The following TEX15 variants were observed in gnomAD, a reference collection of about 807,000 sequenced individuals.
The protein encoded by TEX15 is testis expressed 15, meiosis and synapsis associated.
TEX15 carries 171 observed loss-of-function variants against 237.3 expected under a neutral mutation model. The observed-to-expected ratio is 0.72, with a 90% CI of 0.64 to 0.82. TEX15 has a LOEUF of 0.82. Among genes scored for constraint, TEX15 ranks in the 40% least tolerant of loss-of-function variants. The pLI is 0.00. For synonymous variants in TEX15, 1,338 were observed against 1,269.8 expected, an observed-to-expected ratio of 1.05 and a Z score of -1.14; for missense variants, 3,750 against 3,646.5, an observed-to-expected ratio of 1.03 and a Z score of -0.73.
chr8:30,893,210 G>A (rs992349296), intron 2 of TEX15, among the ~76,000 whole-genome samples: 15 of 152,174 alleles, frequency 9.9e-5, no homozygotes, highest in Admixed American at 2.6e-4. Context: ...GTGCAGGGAA[G>A]TTAAATAATA....
At chr8:30,887,974 T>G (rs1172671671) in intron 2 of TEX15, among the ~76,000 whole-genome samples, 1 of 147,960 alleles carries the variant, frequency 6.8e-6, no homozygotes, top group East Asian at 2.0e-4. Flanking sequence ...TTCATGTAAC[T>G]GCTATTAGGT....
In TEX15 at chr8:30,868,770, C is replaced by A. The variant is rs529450193; in HGVS notation, c.303-1268G>T. Among the ~76,000 whole-genome samples, 3 of 151,822 alleles carry A rather than the reference C, an allele frequency of 2.0e-5. No homozygotes were observed. In the East Asian group the frequency reaches 5.8e-4, roughly 29 times the overall value. On this transcript the variant is annotated intron_variant, in intron 4 of 10. Transcript: ENST00000643185. ...ATTCTTACACTATACATAAAAGTAA[C>A]ATTTGAAGGTACACAGAATAAATTA...
chr8:30,892,116 A>G (rs1808806261), intron 2 of TEX15, among the ~76,000 whole-genome samples: 1 of 152,206 alleles, frequency 6.6e-6, no homozygotes, highest in African/African-American at 2.4e-5. Flanking sequence ...ATTTTCTTCT[A>G]AAACTTTCAT....
Position 30,842,785 on chromosome 8 carries a change from G to A in TEX15, c.7382C>T (p.Ser2461Leu). ...VSETIHFLKN[S>L]IAKKLDKQRF... ...CTGTTTGTCTAGTTTCTTTGCTATT[G>A]AGTTTTTAAGAAAGTGAATTGTTTC... is the stretch of plus-strand genomic sequence containing the variant. The change falls in exon 8 of 11, where the codon TCA becomes TTA. Residue 2461 changes from serine to leucine, a missense_variant. By Grantham distance (145) the Ser-to-Leu change is moderately radical. Transcript: ENST00000643185. 2 of 1,613,216 alleles carry A rather than the reference G, an allele frequency of 1.2e-6. No homozygotes were observed. The highest frequency in any genetic ancestry group is 1.7e-6 in the Non-Finnish European group (2 of 1,179,540).
intron 7 of TEX15, among the ~76,000 whole-genome samples, chr8:30,853,683 C>T (rs181946632): frequency 6.6e-6 from 1 of 152,208 alleles, no homozygotes; most frequent in Admixed American, 6.5e-5. Context: ...GGAACCAATC[C>T]TCCCTGACAG....
intron 1 of TEX15, among the ~76,000 whole-genome samples, chr8:30,909,828 A>T (rs980387618): frequency 6.6e-6 from 1 of 152,186 alleles, no homozygotes; most frequent in Non-Finnish European, 1.5e-5. Context: ...AACGGAAAGA[A>T]GATGAGGTTA....
chr8:30,845,999 CT>C lies in TEX15; in HGVS notation c.4167del (p.Ala1390LeufsTer12), dbSNP rs753315680. On this transcript the variant is annotated frameshift_variant, in exon 8 of 11. Transcript: ENST00000643185. LOFTEE classifies it high-confidence loss of function. ...AAAGATGTGTGAACTCTTCTATGAG[CT>C]TTTTTTAAGTGAACAACTGCTTTGT... ...KLDKAVVHLK[K>X]AHRRVHTSLQ... 2 of 1,612,862 alleles carry C rather than the reference CT, an allele frequency of 1.2e-6. No individual in the cohort carries two copies. The highest frequency in any genetic ancestry group is 1.1e-5 in the South Asian group (1 of 90,900).
At chr8:30,833,537 A>C (rs1289060397) in intron 10 of TEX15, among the ~76,000 whole-genome samples, 1 of 152,198 alleles carries the variant, frequency 6.6e-6, no homozygotes, top group Non-Finnish European at 1.5e-5. Flanking sequence ...GCACCTCTGC[A>C]TCTCTCTAAG....
At chr8:30,835,766 T>C (rs1447726929) in intron 10 of TEX15, among the ~76,000 whole-genome samples, 2 of 152,240 alleles carry the variant, frequency 1.3e-5, no homozygotes, top group Non-Finnish European at 2.9e-5. Context: ...TATATTCTAA[T>C]CATGCTATTT....
At chr8:30,876,540 T>C (rs1808403184) in intron 3 of TEX15, among the ~76,000 whole-genome samples, 1 of 152,192 alleles carries the variant, frequency 6.6e-6, no homozygotes, top group Non-Finnish European at 1.5e-5. Context: ...GCACTACAGA[T>C]GTTACCTTAG....
intron 8 of TEX15, among the ~76,000 whole-genome samples, chr8:30,841,262 G>A (rs933986360): frequency 1.3e-5 from 2 of 152,126 alleles, no homozygotes; most frequent in Non-Finnish European, 2.9e-5. Context: ...AAGAAGTCTT[G>A]AACAGCTGTA....
In TEX15 at chr8:30,842,575, G is replaced by A. The variant is rs138595877; in HGVS notation, c.7592C>T (p.Ala2531Val). ...ATGAATAGCATATGAGCAATTAACA[G>A]CTTCATTATATTTGCAGATAATATC... ...DLDIICKYNE[A>V]VNCSYAIHLL... The change falls in exon 8 of 11, where the codon GCT becomes GTT. Residue 2531 changes from alanine (A) to valine (V), a missense_variant. By Grantham distance (64) the Ala-to-Val change is moderately conservative (BLOSUM62 0). Coordinates refer to ENST00000643185, the MANE Select transcript of TEX15 (RefSeq NM_001350162.2). 1.2e-5 allele frequency: 20 copies of A among 1,610,252 alleles called. 1 individual carries two copies. The African/African-American group carries it at 2.5e-4, about 20-fold the overall frequency.
rs779674409 is a variant in TEX15 at position 30,846,333 on chromosome 8, G to T, written c.3834C>A (p.Phe1278Leu). 1 of 1,612,732 alleles carries T rather than the reference G, an allele frequency of 6.2e-7. No homozygotes were observed. Residue 1278 changes from phenylalanine (F) to leucine (L), a missense_variant, in exon 8 of 11, where the codon TTC becomes TTA. Phe to Leu is a conservative substitution (Grantham distance 22, BLOSUM62 0). Transcript: ENST00000643185. ...TATAGTCAGTTTTTGATTTTGTAAAGAAACATCTGCTTCCATCATCTATTG... is the reference window on the plus strand; with the variant it reads ...TATAGTCAGTTTTTGATTTTGTAAATAAACATCTGCTTCCATCATCTATTG... ...VTTIDDGSRC[F>L]FTKSKTDYND...
chr8:30,885,967 AAAAG>A (rs1808637796), intron 3 of TEX15, among the ~76,000 whole-genome samples: 1 of 152,122 alleles, frequency 6.6e-6, no homozygotes, highest in East Asian at 1.9e-4. Context: ...CATTTGTTTC[AAAAG>A]TGTCTGTAAC....
intron 3 of TEX15, among the ~76,000 whole-genome samples, chr8:30,879,716 T>C (rs892466321): frequency 6.6e-6 from 1 of 152,218 alleles, no homozygotes; most frequent in African/African-American, 2.4e-5. Flanking sequence ...TATTTCCATA[T>C]ACTTCTTCTA....
Position 30,837,756 on chromosome 8 carries a change from C to A in TEX15, c.8528G>T (p.Cys2843Phe), listed in dbSNP as rs765414343. Residue 2843 changes from cysteine to phenylalanine, a missense_variant, in exon 10 of 11, where the codon TGT (cysteine) becomes TTT (phenylalanine). By Grantham distance (205) the Cys-to-Phe change is radical. Coordinates refer to ENST00000643185, the MANE Select transcript of TEX15 (RefSeq NM_001350162.2). ...TGTGCCATGTACACTTTTTTGGTCA[C>A]AAATTGCAAAAGCAGCACAATCTTT... ...DKKDCAAFAICDQKSVHGTFS... is the reference protein window; with the variant it reads ...DKKDCAAFAIFDQKSVHGTFS... 10 of 1,614,102 alleles carry A rather than the reference C, an allele frequency of 6.2e-6. No individual in the cohort carries two copies. Among genetic ancestry groups the A allele is most frequent in the Non-Finnish European group, 5.9e-6 (7 of 1,180,002 alleles).
Position 30,846,842 on chromosome 8 carries a change from C to G in TEX15, c.3325G>C (p.Asp1109His). The G allele has an allele frequency of 1.2e-6, 2 of 1,613,926 alleles. No individual in the cohort carries two copies. The highest frequency in any genetic ancestry group is 1.3e-5 in the African/African-American group (1 of 75,036). Residue 1109 changes from aspartate to histidine, a missense_variant, in exon 8 of 11, where the codon GAT becomes CAT. By Grantham distance (81) the Asp-to-His change is moderately conservative. Transcript: ENST00000643185. ...RISWEGLLAL[D>H]NGEMEVLEST... is the part of the protein sequence containing the mutation. Reference sequence around the variant, plus strand: ...TCCAAAACTTCCATCTCCCCGTTATCAAGTGCTAACAGACCTTCCCAACTG... The same window carrying G: ...TCCAAAACTTCCATCTCCCCGTTATGAAGTGCTAACAGACCTTCCCAACTG...
chr8:30,859,174 C>A (rs971294293), intron 6 of TEX15, among the ~76,000 whole-genome samples: 10 of 151,872 alleles, frequency 6.6e-5, no homozygotes, highest in Admixed American at 6.6e-4. Flanking sequence ...ATCTGTTTTA[C>A]ATGTGGGTGC....
rs555662709 is a variant in TEX15 at position 30,888,029 on chromosome 8, C to G, written c.-9-718G>C. On this transcript the variant is annotated intron_variant, in intron 2 of 10. Coordinates refer to ENST00000643185, the MANE Select transcript of TEX15 (RefSeq NM_001350162.2). ...CCTGAAAAGCTCAAAAACTTACACC[C>G]ATAACAATTTTTATACACATTTGGT... 1.4e-4 allele frequency among the ~76,000 whole-genome samples: 21 copies of G among 150,690 alleles called. No homozygotes were observed. The East Asian group carries it at 3.5e-3, about 25-fold the overall frequency.
Sources: allele counts gnomAD v4.1 joint callset (sites outside exome capture counted in the v4.1 genomes callset), GRCh38; gene constraint gnomAD v4.1.1; transcripts MANE v1.5; gene names NCBI Gene and HGNC (gene_info 2026-07-23, HGNC 2026-07-21).